The following MANEA variants were observed in gnomAD, a reference collection of about 807,000 sequenced individuals.
MANEA encodes the protein mannosidase endo-alpha, also known as glycoprotein endo-alpha-1,2-mannosidase.
In MANEA, 25 loss-of-function variants were observed where a neutral mutation model predicts 36.8. The observed-to-expected ratio is 0.68, with a 90% CI of 0.50 to 0.95. MANEA has a LOEUF of 0.95. Among genes scored for constraint, MANEA ranks in the 40% least tolerant of loss-of-function variants. The probability of loss-of-function intolerance (pLI) is 0.00; values close to 1 mark genes in which losing one functional copy is unlikely to be tolerated. For missense variants in MANEA, 565 were observed against 558.8 expected, an observed-to-expected ratio of 1.01 and a Z score of -0.11; for synonymous variants, 198 against 188.5, an observed-to-expected ratio of 1.05 and a Z score of -0.41.
intron 1 of MANEA, among the ~76,000 whole-genome samples, chr6:95,585,417 C>T (rs913452342): frequency 1.3e-4 from 20 of 152,160 alleles, no homozygotes; most frequent in African/African-American, 4.8e-4. Context: ...TCAAGCAATC[C>T]ACCTGCCTCA....
chr6:95,582,419 G>A (rs1467147556), intron 1 of MANEA, among the ~76,000 whole-genome samples: 1 of 151,906 alleles, frequency 6.6e-6, no homozygotes, highest in Non-Finnish European at 1.5e-5. Flanking sequence ...TCCTGACCTC[G>A]TGATCTGCCT....
chr6:95,590,964 C>G (rs1326949345), intron 2 of MANEA, among the ~76,000 whole-genome samples: 2 of 152,274 alleles, frequency 1.3e-5, no homozygotes, highest in South Asian at 4.1e-4. Flanking sequence ...GAGTCCCTCA[C>G]TCTCTCTCTT....
chr6:95,586,351 G>T lies in MANEA; in HGVS notation c.-38-51G>T. On this transcript the variant is annotated intron_variant, in intron 1 of 4. Coordinates refer to ENST00000358812, the MANE Select transcript of MANEA (RefSeq NM_024641.4). ...TTTAGTTTTCGTGTTGAATATATTG[G>T]AAAATACTGTTGATAACACTTACTA... 3.7e-6 allele frequency: 4 copies of T among 1,073,312 alleles called. No homozygotes were observed. The East Asian group carries it at 9.5e-5, about 26-fold the overall frequency. 66.5% of individuals were successfully genotyped at this position (1,073,312 alleles called of 1,614,324 possible). A position where few individuals can be genotyped will look rare whatever the true frequency, so the allele number is the denominator to read the frequency against.
At chr6:95,583,762 T>C (rs1038844669) in intron 1 of MANEA, among the ~76,000 whole-genome samples, 2 of 150,060 alleles carry the variant, frequency 1.3e-5, no homozygotes, top group Admixed American at 1.3e-4. Context: ...TTTGAATGTT[T>C]ACTTTATATG....
Position 95,586,798 on chromosome 6 carries a change from A to G in MANEA, c.359A>G (p.Tyr120Cys). The G allele has an allele frequency of 6.2e-7, 1 of 1,613,946 alleles. No homozygotes were observed. The highest frequency in any genetic ancestry group is 8.5e-7 in the Non-Finnish European group (1 of 1,179,828). The change falls in exon 2 of 5, where the codon TAT becomes TGT. Residue 120 changes from tyrosine (Y) to cysteine (C), a missense_variant. Tyr to Cys is a radical substitution (Grantham distance 194, BLOSUM62 -2). Transcript: ENST00000358812. ...GGAAATCCACAATTTGATGGTAAAT[A>G]TATACATTGGAATCATCCAGTGTTA... ...WYGNPQFDGKYIHWNHPVLEH... is the reference protein window; with the variant it reads ...WYGNPQFDGKCIHWNHPVLEH...
intron 3 of MANEA, among the ~76,000 whole-genome samples, chr6:95,601,715 G>GGTTTTTTTTTTTTTTTTTTTTTTT (rs1769594423): frequency 1.4e-5 from 1 of 72,634 alleles, no homozygotes; most frequent in Non-Finnish European, 2.6e-5. Flanking sequence ...CAGATTCAGT[G>GGTTTTTTTTTTTTTTTTTTTTTTT]ATTTTTTTTT....
At chr6:95,598,000 C>T (rs980064420) in intron 3 of MANEA, among the ~76,000 whole-genome samples, 5 of 151,666 alleles carry the variant, frequency 3.3e-5, no homozygotes, top group African/African-American at 9.7e-5. Context: ...TTATATCAGT[C>T]TATTTAAAAT....
rs549545191 is a variant in MANEA, at chr6:95,607,840, TA to T, written c.*1441del. 1.3e-5 allele frequency: 2 copies of T among 151,682 alleles called. No homozygotes were observed. The highest frequency in any genetic ancestry group is 3.0e-5 in the Non-Finnish European group (2 of 67,746). 9.4% of individuals were successfully genotyped at this position (151,682 alleles called of 1,614,324 possible). On this transcript the variant is annotated 3_prime_UTR_variant, in exon 5 of 5. Coordinates refer to ENST00000358812, the MANE Select transcript of MANEA (RefSeq NM_024641.4). ...ATTAAGAAGAGCAATAGAATAATGC[TA>T]AAAAATAATGCCTATAAATCTTCAG...
chr6:95,598,348 C>T (rs959603271), intron 3 of MANEA, among the ~76,000 whole-genome samples: 1 of 152,086 alleles, frequency 6.6e-6, no homozygotes, highest in African/African-American at 2.4e-5. Context: ...TTCAGGGTCT[C>T]TGAAGGAGGT....
intron 1 of MANEA, among the ~76,000 whole-genome samples, chr6:95,585,023 T>C (rs904609617): frequency 6.6e-6 from 1 of 152,178 alleles, no homozygotes; most frequent in African/African-American, 2.4e-5. Flanking sequence ...ACTCATTTTA[T>C]AAAGCAGTCA....
intron 3 of MANEA, among the ~76,000 whole-genome samples, chr6:95,598,217 C>A (rs930005896): frequency 3.9e-5 from 6 of 152,156 alleles, no homozygotes; most frequent in Admixed American, 2.6e-4. Flanking sequence ...AGTATACTCA[C>A]TATCTATTGC....
intron 3 of MANEA, among the ~76,000 whole-genome samples, chr6:95,602,952 G>A (rs376755259): frequency 1.1e-4 from 16 of 148,700 alleles, no homozygotes; most frequent in South Asian, 4.2e-4. Flanking sequence ...CCCGGGAAGC[G>A]GAGCTTGCAG....
At chr6:95,595,161 C>A (rs1282181102) in intron 2 of MANEA, among the ~76,000 whole-genome samples, 2 of 151,946 alleles carry the variant, frequency 1.3e-5, no homozygotes, top group East Asian at 1.9e-4. Flanking sequence ...TTATTTTGTT[C>A]CTTTCATTTT....
At chr6:95,584,870 G>T (rs192277595) in intron 1 of MANEA, among the ~76,000 whole-genome samples, 1 of 152,274 alleles carries the variant, frequency 6.6e-6, no homozygotes, top group African/African-American at 2.4e-5. Context: ...AAAATAGAAA[G>T]AACCTACGTT....
chr6:95,603,108 A>G (rs1485996619), intron 3 of MANEA, among the ~76,000 whole-genome samples: 2 of 151,604 alleles, frequency 1.3e-5, no homozygotes, highest in African/African-American at 4.8e-5. Context: ...GGAAAATTTT[A>G]AATATTTTAT....
chr6:95,583,705 A>T (rs1769227027), intron 1 of MANEA, among the ~76,000 whole-genome samples: 1 of 152,102 alleles, frequency 6.6e-6, no homozygotes, highest in Non-Finnish European at 1.5e-5. Context: ...GGTGATTCAG[A>T]GGGAGCACGA....
Position 95,606,405 on chromosome 6 carries a change from A to T in MANEA, c.1389A>T (p.Ter463TyrextTer4). ...TAGATCGCCAGCTGCCTGTTTCTTA[A>T]TGCATTGATTAAAGTTTAATAGTTA... Reference protein sequence around the residue: ...YALDRQLPVS* With the variant: ...YALDRQLPVSY Residue 463 changes from the stop codon to tyrosine (Y), a stop_lost, in exon 5 of 5, where the codon TAA becomes TAT. Coordinates refer to ENST00000358812, the MANE Select transcript of MANEA (RefSeq NM_024641.4). The T allele has an allele frequency of 1.9e-6, 3 of 1,585,514 alleles. No homozygotes were observed. Among genetic ancestry groups the T allele is most frequent in the Non-Finnish European group, 2.6e-6 (3 of 1,172,904 alleles).
intron 3 of MANEA, among the ~76,000 whole-genome samples, chr6:95,602,008 C>T (rs536113348): frequency 2.0e-5 from 3 of 151,900 alleles, no homozygotes; most frequent in Admixed American, 6.6e-5. Flanking sequence ...TGATTTTCAC[C>T]TACATTTGAA....
chr6:95,579,098 C>A (rs4464805), intron 1 of MANEA, among the ~76,000 whole-genome samples: 1 of 152,120 alleles, frequency 6.6e-6, no homozygotes, highest in Admixed American at 6.5e-5. Context: ...CGGCCTGGCG[C>A]GGTGCCTCAC....
Sources: gnomAD v4.1 joint callset for allele counts (sites outside exome capture counted in the v4.1 genomes callset) on GRCh38, gnomAD v4.1.1 for gene constraint, MANE v1.5 for transcripts, NCBI Gene and HGNC (gene_info 2026-07-23, HGNC 2026-07-21) for gene names.